Variants in CLCN7 observed in about 807,000 individuals in gnomAD.
The protein encoded by CLCN7 is H(+)/Cl(-) exchange transporter 7.
CLCN7 carries 60 observed loss-of-function variants against 102.1 expected under a neutral mutation model. The observed-to-expected ratio is 0.59, with a 90% CI of 0.48 to 0.73. The LOEUF is 0.73. Among genes scored for constraint, CLCN7 ranks in the 30% least tolerant of loss-of-function variants. The pLI, the probability that CLCN7 is intolerant of heterozygous loss-of-function variation, is 0.00. For synonymous variants in CLCN7, 560 were observed against 490.5 expected (o/e 1.14, Z -1.87); for missense variants, 962 against 1,125.7 (o/e 0.85, Z 2.08).
In CLCN7 at chr16:1,452,756, T is replaced by C; in HGVS notation, c.1352A>G (p.Gln451Arg). 1 of 1,595,782 alleles carries C rather than the reference T, an allele frequency of 6.3e-7. No individual in the cohort carries two copies. The highest frequency in any genetic ancestry group is 2.3e-5 in the East Asian group (1 of 43,826). ...CCCCGCCCGGGCCCAGCCTCCCACC[T>C]GCAGCGGGTAGGACATGGAGCCCCC... The part of the protein sequence containing the change: ...LQGGSMSYPL[Q>R]LFCADGEYNS... The change falls in exon 15 of 25, where the codon CAG becomes CGG. Residue 451 changes from glutamine to arginine, a missense_variant and splice_region_variant. Physicochemically the swap from Gln to Arg is conservative, Grantham distance 43 (BLOSUM62 1). Transcript: ENST00000382745.
chr16:1,446,662 C>A lies in CLCN7; in HGVS notation c.2387G>T (p.Gly796Val). 1 of 1,583,258 alleles carries A rather than the reference C, an allele frequency of 6.3e-7. No homozygotes were observed. The highest frequency in any genetic ancestry group is 8.6e-7 in the Non-Finnish European group (1 of 1,164,698). Residue 796 changes from glycine to valine, a missense_variant, in exon 25 of 25, where the codon GGC becomes GTC. Gly to Val is a moderately radical substitution (Grantham distance 109, BLOSUM62 -3). This residue lies in a region of CLCN7 where 799 missense variants were observed against 988.0 expected (regional missense o/e 0.81). Coordinates refer to ENST00000382745, the MANE Select transcript of CLCN7 (RefSeq NM_001287.6). ...DLARYRLGKR[G>V]LEELSLAQT is the part of the protein sequence containing the mutation. The stretch of plus-strand genomic sequence containing the variant: ...CTGGGCCAGCGAGAGCTCCTCCAAG[C>A]CTCTCTTTCCCAGGCGGTACCTGGC...
At position 1,457,114 on chromosome 16, in the gene CLCN7, TG is replaced by T; in HGVS notation, c.822+139del. On this transcript the variant is annotated intron_variant, in intron 9 of 24. Transcript: ENST00000382745. This position sits in a 1 kb window ranked among gnomAD's most constrained non-coding sequence, Gnocchi z 5.4. Reference sequence around the variant, plus strand: ...GGGCAGGGACTGTGCCCGCTGGCTCTGGGAGCCACCCGCCAGGCTGTCCTCA... The same window carrying T: ...GGGCAGGGACTGTGCCCGCTGGCTCTGGAGCCACCCGCCAGGCTGTCCTCA... 3.7e-6 allele frequency: 3 copies of T among 807,122 alleles called. No individual in the cohort carries two copies. Among genetic ancestry groups the T allele is most frequent in the Non-Finnish European group, 6.3e-6 (3 of 472,866 alleles). The allele number at this position is 807,122 out of a possible 1,614,324, so 50.0% of individuals were successfully genotyped here.
At chr16:1,451,589 C>T in intron 16 of CLCN7, 34 bp downstream of exon 16, 1 of 1,572,534 alleles carries the variant, frequency 6.4e-7, no homozygotes, top group South Asian at 1.1e-5. Context: ...GGCCCTGATC[C>T]CAGGGCCTGC....
rs112552404 is a variant in CLCN7 at position 1,455,556 on chromosome 16, C to T, written c.981+175G>A. On this transcript the variant is annotated intron_variant, in intron 11 of 24. Coordinates refer to ENST00000382745, the MANE Select transcript of CLCN7 (RefSeq NM_001287.6). ...TGGCAATGGTGCCCAGGACCAAGGG[C>T]GAACTGGGCAGCAAAGGCAGGACCG... 498 of 765,962 alleles carry T rather than the reference C, an allele frequency of 6.5e-4. 5 individuals are homozygous for T. In the African/African-American group the frequency reaches 7.3e-3, roughly 11 times the overall value. The allele number at this position is 765,962 out of a possible 1,614,324, so 47.4% of individuals were successfully genotyped here. A position where few individuals can be genotyped will look rare whatever the true frequency, so the allele number is the denominator to read the frequency against.
rs779854652 is a variant in CLCN7, at chr16:1,446,411, C to T, written c.*220G>A. ...TAGACGAGGAGAGTGGAGGCTGGGC[C>T]TGCGCAAGGAGGCGCCAAGGGGGGA... is the stretch of plus-strand genomic sequence containing the variant. On this transcript the variant is annotated 3_prime_UTR_variant, in exon 25 of 25. Coordinates refer to ENST00000382745, the MANE Select transcript of CLCN7 (RefSeq NM_001287.6). The T allele has an allele frequency of 2.8e-6, 2 of 702,530 alleles. No individual in the cohort carries two copies. Among genetic ancestry groups the T allele is most frequent in the African/African-American group, 1.7e-5 (1 of 57,270 alleles). 43.5% of individuals were successfully genotyped at this position (702,530 alleles called of 1,614,324 possible).
chr16:1,455,100 C>T (rs199807232), intron 12 of CLCN7, 34 bp downstream of exon 12: 36 of 1,191,918 alleles, frequency 3.0e-5, no homozygotes, highest in South Asian at 6.0e-5. Flanking sequence ...GACCAGGATA[C>T]GAGGTGGGCG....
In CLCN7 at chr16:1,460,952, C is replaced by A; in HGVS notation, c.352-4G>T. 1 of 1,612,884 alleles carries A rather than the reference C, an allele frequency of 6.2e-7. No individual in the cohort carries two copies. Among genetic ancestry groups the A allele is most frequent in the Non-Finnish European group, 8.5e-7 (1 of 1,179,858 alleles). On this transcript the variant is annotated splice_region_variant and splice_polypyrimidine_tract_variant and intron_variant, in intron 4 of 24. Coordinates refer to ENST00000382745, the MANE Select transcript of CLCN7 (RefSeq NM_001287.6). ...TGATCTCCACCGTCCGGAAGGCCTGCAGGGCGCGGTCAGGGCGAGGGTCAG... is the reference window on the plus strand; with the variant it reads ...TGATCTCCACCGTCCGGAAGGCCTGAAGGGCGCGGTCAGGGCGAGGGTCAG...
At chr16:1,467,775 T>C (rs758201021) in intron 1 of CLCN7, 16 of 152,320 alleles carry the variant, frequency 1.1e-4, no homozygotes, top group Admixed American at 1.0e-3. Flanking sequence ...TCTCAGGCTA[T>C]TCCTTGCTGG....
intron 3 of CLCN7, 48 bp from the exon 4 acceptor site, chr16:1,461,518 C>A: frequency 6.2e-7 from 1 of 1,601,400 alleles, no homozygotes; most frequent in South Asian, 1.1e-5. Context: ...AACCCACGCT[C>A]TGGGTGCGGG....
intron 14 of CLCN7, 54 bp downstream of exon 14, chr16:1,453,780 A>G: frequency 6.5e-7 from 1 of 1,543,228 alleles, no homozygotes; most frequent in Non-Finnish European, 9.0e-7. Context: ...CCGCTTTCAA[A>G]GGGCCTGTGT....
chr16:1,456,014 C>T (rs954034521), intron 10 of CLCN7, 99 bp downstream of exon 10: 1 of 1,149,702 alleles, frequency 8.7e-7, no homozygotes, highest in African/African-American at 1.5e-5. Flanking sequence ...CTCCAAGCCT[C>T]TGCCACCCTC....
chr16:1,460,990 C>A (rs754075069), intron 4 of CLCN7, 42 bp from the exon 5 acceptor site: 6 of 1,605,408 alleles, frequency 3.7e-6, no homozygotes, highest in Admixed American at 1.7e-5. Context: ...AGGGCCCTGG[C>A]GCAGTCACTC....
Position 1,452,525 on chromosome 16 carries a change from G to C in CLCN7, c.1353+230C>G, listed in dbSNP as rs1025865831. ...CTGCCATTCTGGGAAGAGGACTGGGGGGAGCCTCTGGCCCCCATACCACCG... is the reference window on the plus strand; with the variant it reads ...CTGCCATTCTGGGAAGAGGACTGGGCGGAGCCTCTGGCCCCCATACCACCG... On this transcript the variant is annotated intron_variant, in intron 15 of 24. Transcript: ENST00000382745. 4.7e-5 allele frequency: 27 copies of C among 575,726 alleles called. No individual in the cohort carries two copies. The Admixed American group carries it at 8.3e-4, about 18-fold the overall frequency. 35.7% of individuals were successfully genotyped at this position (575,726 alleles called of 1,614,324 possible). A position where few individuals can be genotyped will look rare whatever the true frequency, so the allele number is the denominator to read the frequency against.
chr16:1,473,945 G>A (rs2039114761), intron 1 of CLCN7, among the ~76,000 whole-genome samples: 1 of 152,026 alleles, frequency 6.6e-6, no homozygotes, highest in Non-Finnish European at 1.5e-5. Flanking sequence ...TTAGCCGGGC[G>A]CGGTGGCGCA....
In CLCN7 at chr16:1,460,865, G is replaced by A. The variant is rs201964194; in HGVS notation, c.435C>T (p.Asp145=). ...ILTGLVACFI[D]IVVENLAGLK... Reference sequence around the variant, plus strand: ...GGCCAGCCAGGTTTTCCACCACGATGTCAATGAAGCAGGCCACGAGGCCCG... The same window carrying A: ...GGCCAGCCAGGTTTTCCACCACGATATCAATGAAGCAGGCCACGAGGCCCG... Residue 145 remains aspartate, a synonymous_variant, in exon 5 of 25, where the codon GAC becomes GAT. Transcript: ENST00000382745. 12 of 1,614,034 alleles carry A rather than the reference G, an allele frequency of 7.4e-6. No homozygotes were observed. Among genetic ancestry groups the A allele is most frequent in the Middle Eastern group, 1.6e-4 (1 of 6,062 alleles).
At chr16:1,462,665 C>CAAAAAAAAAAAAAA (rs67969666) in intron 2 of CLCN7, among the ~76,000 whole-genome samples, 1 of 36,176 alleles carries the variant, frequency 2.8e-5, no homozygotes, top group African/African-American at 7.9e-5. Context: ...AAAAAAAAGC[C>CAAAAAAAAAAAAAA]AAAAAAAAAA....
intron 15 of CLCN7, chr16:1,451,982 A>G: frequency 2.1e-6 from 1 of 465,882 alleles, no homozygotes; most frequent in Non-Finnish European, 4.0e-6. Flanking sequence ...GGGGTGGGTT[A>G]GCAGGACCAT....
At chr16:1,463,649 T>C (rs1045300268) in intron 2 of CLCN7, among the ~76,000 whole-genome samples, 2 of 152,106 alleles carry the variant, frequency 1.3e-5, no homozygotes, top group African/African-American at 4.8e-5. Context: ...AATTTTCGTT[T>C]TTGTTTTTGT....
rs1195069320 is a variant in CLCN7, at chr16:1,450,765, GGAGCCCAGCAACCTGAGCTCCC to G, written c.1448-121_1448-100del. The G allele has an allele frequency of 2.1e-4, 224 of 1,067,416 alleles. 15 individuals are homozygous for G. The highest frequency in any genetic ancestry group is 2.7e-4 in the Non-Finnish European group (208 of 770,250). 66.1% of individuals were successfully genotyped at this position (1,067,416 alleles called of 1,614,324 possible). Reference sequence around the variant, plus strand: ...TCTCGGGCCTCACAGTCACCTTCCAGGAGCCCAGCAACCTGAGCTCCCGAGCCCAGCGGTCCCCAGAAGGCTC... The same window carrying G: ...TCTCGGGCCTCACAGTCACCTTCCAGGAGCCCAGCGGTCCCCAGAAGGCTC... On this transcript the variant is annotated intron_variant, in intron 16 of 24. Coordinates refer to ENST00000382745, the MANE Select transcript of CLCN7 (RefSeq NM_001287.6).
Sources: gnomAD v4.1 joint callset for allele counts (sites outside exome capture counted in the v4.1 genomes callset) on GRCh38, gnomAD v4.1.1 for gene constraint, gnomAD v4.1.1 regional missense constraint, Gnocchi (gnomAD v3.1) non-coding constraint, MANE v1.5 for transcripts, NCBI Gene and HGNC (gene_info 2026-07-23, HGNC 2026-07-21) for gene names.